The following C3orf33 variants were observed in gnomAD, a reference collection of about 807,000 sequenced individuals.
The protein encoded by C3orf33 is mitochondrial inner membrane subdomain organizer 1.
C3orf33 carries 23 observed loss-of-function variants against 28.7 expected under a neutral mutation model. That is an observed-to-expected ratio of 0.80 (90% CI 0.58 to 1.13). The LOEUF (loss-of-function observed/expected upper bound fraction) is 1.13, where lower values mean the gene tolerates loss of function less well. Ranked by LOEUF, C3orf33 falls within the 50% of genes most tolerant of loss-of-function variation. The probability of loss-of-function intolerance (pLI) is 0.00; values close to 1 mark genes in which losing one functional copy is unlikely to be tolerated. For synonymous variants in C3orf33, 119 were observed against 120.5 expected, an observed-to-expected ratio of 0.99 and a Z score of 0.08; for missense variants, 327 against 353.4, an observed-to-expected ratio of 0.93 and a Z score of 0.60.
At chr3:155,765,425 G>A (rs147189657) in intron 4 of C3orf33, among the ~76,000 whole-genome samples, 79 of 152,232 alleles carry the variant, frequency 5.2e-4, no homozygotes, top group African/African-American at 1.6e-3. Context: ...CTTTATCATC[G>A]TCATAATCAT....
intron 3 of C3orf33, among the ~76,000 whole-genome samples, chr3:155,775,061 C>T (rs780182306): frequency 9.2e-5 from 14 of 152,108 alleles, no homozygotes; most frequent in Non-Finnish European, 1.8e-4. Context: ...TTGTCTATCT[C>T]GCACCTAGAC....
intron 3 of C3orf33, among the ~76,000 whole-genome samples, chr3:155,771,764 C>A (rs923863688): frequency 6.6e-6 from 1 of 152,102 alleles, no homozygotes; most frequent in Non-Finnish European, 1.5e-5. Flanking sequence ...ATCTTCTGAG[C>A]CCTTCAATAA....
At chr3:155,803,064 AG>A (rs1751699111) in intron 1 of C3orf33, among the ~76,000 whole-genome samples, 1 of 152,184 alleles carries the variant, frequency 6.6e-6, no homozygotes. Context: ...TTAAGTATTT[AG>A]TAGAAAATTT....
At chr3:155,765,607 G>GCACGAT (rs1395351281) in intron 4 of C3orf33, among the ~76,000 whole-genome samples, 1 of 152,124 alleles carries the variant, frequency 6.6e-6, no homozygotes, top group Non-Finnish European at 1.5e-5. Context: ...GAGTGCAGTG[G>GCACGAT]CACGATCTCG....
Position 155,763,937 on chromosome 3 carries a change from A to G in C3orf33, c.484-19T>C. Reference sequence around the variant, plus strand: ...ATCCACCCTTGAATTTAAAAATAATACAAACCAATTATTTAAGATAATTGT... The same window carrying G: ...ATCCACCCTTGAATTTAAAAATAATGCAAACCAATTATTTAAGATAATTGT... On this transcript the variant is annotated intron_variant, in intron 4 of 4. Transcript: ENST00000340171. 7.4e-7 allele frequency: 1 copy of G among 1,357,758 alleles called. No individual in the cohort carries two copies. The highest frequency in any genetic ancestry group is 9.6e-7 in the Non-Finnish European group (1 of 1,047,094). The allele number at this position is 1,357,758 out of a possible 1,614,324, so 84.1% of individuals were successfully genotyped here.
intron 3 of C3orf33, among the ~76,000 whole-genome samples, chr3:155,768,482 G>A (rs1297724484): frequency 6.6e-6 from 1 of 152,146 alleles, no homozygotes; most frequent in Non-Finnish European, 1.5e-5. Context: ...AGCATAATAT[G>A]AAGAAGACCT....
intron 2 of C3orf33, among the ~76,000 whole-genome samples, chr3:155,794,545 T>C (rs1388503727): frequency 6.6e-6 from 1 of 151,592 alleles, no homozygotes; most frequent in Non-Finnish European, 1.5e-5. Flanking sequence ...TTATCAATAA[T>C]AACAATGTAA....
chr3:155,795,178 G>A (rs572464089), intron 2 of C3orf33, among the ~76,000 whole-genome samples: 8 of 152,274 alleles, frequency 5.3e-5, no homozygotes, highest in South Asian at 2.1e-4. Context: ...ATTTCAAGCC[G>A]TGTGCGGTGG....
chr3:155,795,236 A>T (rs1444289278), intron 2 of C3orf33, among the ~76,000 whole-genome samples: 1 of 152,182 alleles, frequency 6.6e-6, no homozygotes, highest in East Asian at 1.9e-4. Flanking sequence ...TGGATAGACC[A>T]CCTGAGTTCG....
At chr3:155,769,917 C>T in intron 3 of C3orf33, among the ~76,000 whole-genome samples, 1 of 152,230 alleles carries the variant, frequency 6.6e-6, no homozygotes, top group East Asian at 1.9e-4. Context: ...ACCTATTTTA[C>T]ATATAGCTAC....
At chr3:155,792,041 G>A (rs2109274078) in intron 2 of C3orf33, among the ~76,000 whole-genome samples, 1 of 152,148 alleles carries the variant, frequency 6.6e-6, no homozygotes, top group Middle Eastern at 3.4e-3. Flanking sequence ...GTGCTGTGTT[G>A]GCTTCAGGTC....
chr3:155,767,878 T>TTTTTTTC (rs1208698343), intron 3 of C3orf33, among the ~76,000 whole-genome samples: 9 of 152,184 alleles, frequency 5.9e-5, no homozygotes, highest in Admixed American at 2.0e-4. Flanking sequence ...AAAACTCATT[T>TTTTTTTC]TTTTTTCTTT....
chr3:155,772,874 A>T (rs1202549157), intron 3 of C3orf33, among the ~76,000 whole-genome samples: 2 of 151,122 alleles, frequency 1.3e-5, no homozygotes, highest in Non-Finnish European at 2.9e-5. Context: ...CAGAATTGTC[A>T]TTAGGAAGGA....
chr3:155,798,997 A>G (rs562216816), intron 2 of C3orf33, among the ~76,000 whole-genome samples: 1 of 152,348 alleles, frequency 6.6e-6, no homozygotes, highest in South Asian at 2.1e-4. Flanking sequence ...GAAGACATAC[A>G]AATGGCAAAC....
intron 3 of C3orf33, 50 bp downstream of exon 3, chr3:155,775,651 A>T (rs1274000375): frequency 1.6e-6 from 2 of 1,271,268 alleles, no homozygotes; most frequent in Non-Finnish European, 2.2e-6. Context: ...ATAACTTCTA[A>T]TAAAAGAAGA....
At chr3:155,766,392 C>T (rs1017991598) in intron 4 of C3orf33, among the ~76,000 whole-genome samples, 1 of 152,178 alleles carries the variant, frequency 6.6e-6, no homozygotes, top group Admixed American at 6.5e-5. Context: ...TCTGAGGCAA[C>T]ATCTTTAGAT....
chr3:155,767,457 AT>A, intron 4 of C3orf33, 51 bp downstream of exon 4: 1 of 1,314,168 alleles, frequency 7.6e-7, no homozygotes, highest in Admixed American at 3.0e-5. Flanking sequence ...GTGTTTACAT[AT>A]AAGTAATAAG....
intron 4 of C3orf33, 26 bp downstream of exon 4, chr3:155,767,483 G>A: frequency 1.4e-6 from 2 of 1,446,922 alleles, no homozygotes; most frequent in Non-Finnish European, 1.9e-6. Flanking sequence ...ATAAGATATT[G>A]CTAGTTATTT....
chr3:155,783,267 G>C (rs13325975), intron 2 of C3orf33, among the ~76,000 whole-genome samples: 30,469 of 151,146 alleles, frequency 0.2, 3,601 homozygotes, highest in East Asian at 0.49. Flanking sequence ...CAGTTCTCCT[G>C]CCTCAGCCTC....
Sources: gnomAD v4.1 joint callset for allele counts (sites outside exome capture counted in the v4.1 genomes callset) on GRCh38, gnomAD v4.1.1 for gene constraint, MANE v1.5 for transcripts, NCBI Gene and HGNC (gene_info 2026-07-23, HGNC 2026-07-21) for gene names.